The following CAGE1 variants were observed in gnomAD, a reference collection of about 807,000 sequenced individuals.
CAGE1 encodes the protein cancer antigen 1.
Under a neutral mutation model 94.9 loss-of-function variants are expected in CAGE1, and 66 were observed. The observed-to-expected ratio is 0.70, with a 90% CI of 0.57 to 0.85. CAGE1 has a LOEUF of 0.85. CAGE1 is among the 40% of genes least tolerant of loss of function. The pLI is 0.00. For synonymous variants in CAGE1, 319 were observed against 321.0 expected (o/e 0.99, Z 0.07); for missense variants, 865 against 950.4 (o/e 0.91, Z 1.18).
intron 11 of CAGE1, among the ~76,000 whole-genome samples, chr6:7,343,949 A>G (rs1759297829): frequency 6.6e-6 from 1 of 152,256 alleles, no homozygotes. Context: ...TAGATTCATC[A>G]AAAACACAGA....
In CAGE1 at chr6:7,370,169, C is replaced by G. The variant is rs1225483544; in HGVS notation, c.1747-104G>C. 7 of 730,528 alleles carry G rather than the reference C, an allele frequency of 9.6e-6. No homozygotes were observed. The Admixed American group carries it at 2.2e-4, about 23-fold the overall frequency. 45.3% of individuals were successfully genotyped at this position (730,528 alleles called of 1,614,324 possible). ...TGGCACTCTTAAAAACCTTGGGCGA[C>G]AGTTCTCAAACTTTTTCATCTTAGG... On this transcript the variant is annotated intron_variant, in intron 5 of 13. Transcript: ENST00000502583.
chr6:7,353,134 C>A (rs1352788934), intron 11 of CAGE1, among the ~76,000 whole-genome samples: 1 of 152,102 alleles, frequency 6.6e-6, no homozygotes, highest in African/African-American at 2.4e-5. Flanking sequence ...AATCTTCGCA[C>A]TCTATACATC....
intron 11 of CAGE1, among the ~76,000 whole-genome samples, chr6:7,345,487 A>G (rs1213810766): frequency 6.6e-6 from 1 of 152,170 alleles, no homozygotes; most frequent in Non-Finnish European, 1.5e-5. Flanking sequence ...AAAATGGCAT[A>G]CTCACATTAT....
At position 7,368,685 on chromosome 6, in the gene CAGE1, T is replaced by G. The variant is rs1438775048; in HGVS notation, c.2004+3A>C. 1.0e-5 allele frequency: 14 copies of G among 1,393,822 alleles called. No individual in the cohort carries two copies. Among genetic ancestry groups the G allele is most frequent in the Non-Finnish European group, 1.4e-5 (14 of 1,024,678 alleles). 86.3% of individuals were successfully genotyped at this position (1,393,822 alleles called of 1,614,324 possible). A position where few individuals can be genotyped will look rare whatever the true frequency, so the allele number is the denominator to read the frequency against. ...ATTTTTAGAAGAAGAATAAATATAA[T>G]ACCTCTTTATCTAAAGTTTTCTTTT... On this transcript the variant is annotated splice_donor_region_variant and intron_variant, in intron 7 of 13. Coordinates refer to ENST00000502583, the MANE Select transcript of CAGE1 (RefSeq NM_001170692.2).
intron 4 of CAGE1, among the ~76,000 whole-genome samples, chr6:7,377,003 A>G (rs1760768764): frequency 6.6e-6 from 1 of 152,232 alleles, no homozygotes; most frequent in Admixed American, 6.5e-5. Flanking sequence ...TAGCATAAAT[A>G]GTAACTTTAT....
intron 2 of CAGE1, 137 bp from the exon 3 acceptor site, chr6:7,386,009 C>T: frequency 2.1e-6 from 1 of 480,858 alleles, no homozygotes. Flanking sequence ...GTATCTTTCC[C>T]CAGCATGTAT....
At chr6:7,329,767 A>T in intron 13 of CAGE1, 82 bp downstream of exon 13, 1 of 704,666 alleles carries the variant, frequency 1.4e-6, no homozygotes. Context: ...ATGTGACTTC[A>T]GGAACTCCTA....
chr6:7,355,092 A>T lies in CAGE1; in HGVS notation c.2318T>A (p.Ile773Asn), dbSNP rs768987660. The T allele has an allele frequency of 6.2e-7, 1 of 1,607,328 alleles. No individual in the cohort carries two copies. The highest frequency in any genetic ancestry group is 8.5e-7 in the Non-Finnish European group (1 of 1,176,096). ...LIKKVTSYEE[I>N]IECADQRLAI... ...AAGCCTTTGGTCAGCACATTCAATG[A>T]TTTCTTCATATGATGTAACCTTGAA... is the stretch of plus-strand genomic sequence containing the variant. Residue 773 changes from isoleucine to asparagine, a missense_variant, in exon 11 of 14, where the codon ATC (isoleucine) becomes AAC (asparagine). By Grantham distance (149) the Ile-to-Asn change is moderately radical. Coordinates refer to ENST00000502583, the MANE Select transcript of CAGE1 (RefSeq NM_001170692.2).
intron 4 of CAGE1, among the ~76,000 whole-genome samples, chr6:7,377,652 G>A (rs754985103): frequency 4.6e-5 from 7 of 152,120 alleles, no homozygotes; most frequent in South Asian, 2.1e-4. Context: ...CAGGACAATC[G>A]CTTGAATCCA....
intron 11 of CAGE1, among the ~76,000 whole-genome samples, chr6:7,334,409 T>C (rs1758877047): frequency 6.6e-6 from 1 of 152,132 alleles, no homozygotes; most frequent in Non-Finnish European, 1.5e-5. Flanking sequence ...GTAAATCCAA[T>C]ATGATCCTGG....
chr6:7,352,316 C>CAAAAACA (rs1561855998), intron 11 of CAGE1, among the ~76,000 whole-genome samples: 3 of 91,874 alleles, frequency 3.3e-5, no homozygotes, highest in African/African-American at 1.2e-4. Flanking sequence ...CAAAAAAAAA[C>CAAAAACA]AAAAAAAAAA....
At chr6:7,344,906 G>C (rs919622341) in intron 11 of CAGE1, among the ~76,000 whole-genome samples, 3 of 152,176 alleles carry the variant, frequency 2.0e-5, no homozygotes, top group East Asian at 1.9e-4. Context: ...TGGTGGGGAC[G>C]TGCAGAACCT....
intron 3 of CAGE1, among the ~76,000 whole-genome samples, chr6:7,385,052 C>A (rs1051171278): frequency 3.3e-5 from 5 of 152,092 alleles, no homozygotes; most frequent in African/African-American, 1.2e-4. Context: ...GTTGCCCAGG[C>A]TGGAGCGCAA....
At chr6:7,368,324 T>G (rs980582438) in intron 7 of CAGE1, among the ~76,000 whole-genome samples, 1 of 151,744 alleles carries the variant, frequency 6.6e-6, no homozygotes, top group African/African-American at 2.4e-5. Flanking sequence ...GCCCTCACCC[T>G]TCAGCCACCT....
chr6:7,339,451 G>T lies in CAGE1; in HGVS notation c.2370-5361C>A, dbSNP rs1168331717. The T allele has an allele frequency of 6.8e-6, 8 of 1,181,274 alleles. No individual in the cohort carries two copies. Among genetic ancestry groups the T allele is most frequent in the Non-Finnish European group, 1.0e-5 (8 of 786,290 alleles). The allele number at this position is 1,181,274 out of a possible 1,614,324, so 73.2% of individuals were successfully genotyped here. On this transcript the variant is annotated intron_variant, in intron 11 of 13. Transcript: ENST00000502583. This position sits in a 1 kb window ranked among gnomAD's most constrained non-coding sequence, Gnocchi z 4.7. ...ATTTCTGTCCTGGTTGGTGTAACTC[G>T]CATCTCAACTCCAGAGTAGCCATCT...
intron 11 of CAGE1, chr6:7,341,365 G>A: frequency 2.6e-6 from 2 of 760,120 alleles, no homozygotes; most frequent in South Asian, 1.4e-5. Context: ...TTGTGATCAG[G>A]CAGACTTTTC....
intron 7 of CAGE1, 45 bp downstream of exon 7, chr6:7,368,643 T>C: frequency 9.8e-7 from 1 of 1,022,472 alleles, no homozygotes; most frequent in Non-Finnish European, 1.4e-6. Flanking sequence ...AACTATTTTT[T>C]CACTAAAAAT....
Position 7,389,442 on chromosome 6 carries a change from C to G in CAGE1, c.-264G>C, listed in dbSNP as rs894897991. 2.4e-6 allele frequency: 1 copy of G among 414,010 alleles called. No individual in the cohort carries two copies. The highest frequency in any genetic ancestry group is 4.9e-6 in the Non-Finnish European group (1 of 205,918). The allele number at this position is 414,010 out of a possible 1,614,324, so 25.6% of individuals were successfully genotyped here. On this transcript the variant is annotated 5_prime_UTR_variant, in exon 1 of 14. Coordinates refer to ENST00000502583, the MANE Select transcript of CAGE1 (RefSeq NM_001170692.2). ...GGAGTGCTGGAACGCCCCTGTGTGA[C>G]GTCCGCCCGCGCCGGGGGAACTCCG...
chr6:7,385,240 G>A (rs187704333), intron 3 of CAGE1, among the ~76,000 whole-genome samples: 4 of 151,648 alleles, frequency 2.6e-5, no homozygotes, highest in African/African-American at 9.7e-5. Flanking sequence ...CCCGACCTCA[G>A]GTGATCCACT....
Sources: allele counts gnomAD v4.1 joint callset (sites outside exome capture counted in the v4.1 genomes callset), GRCh38; gene constraint gnomAD v4.1.1; non-coding constraint Gnocchi (gnomAD v3.1); transcripts MANE v1.5; gene names NCBI Gene and HGNC (gene_info 2026-07-23, HGNC 2026-07-21).